ZNF581: variants seen among roughly 807,000 people sequenced by gnomAD.
ZNF581 encodes the protein zinc finger protein 581.
Under a neutral mutation model 1.2 loss-of-function variants are expected in ZNF581, and 1 was observed. The observed-to-expected ratio is 0.83, with a 90% CI of 0.30 to 3.95. The LOEUF is 3.95. Among genes scored for constraint, ZNF581 ranks in the 30% most tolerant of loss-of-function variants. ZNF581 has a pLI of 0.18. For synonymous variants in ZNF581, 105 were observed against 109.2 expected (o/e 0.96, Z 0.24); for missense variants, 273 against 274.6 (o/e 0.99, Z 0.04).
chr19:55,641,894 A>C, upstream of ZNF581: 3 of 227,332 alleles, frequency 1.3e-5, no homozygotes, highest in Non-Finnish European at 2.2e-5. Flanking sequence ...AATGTGGGGA[A>C]TTGGGTTAGT....
At position 55,645,248 on chromosome 19, in the gene ZNF581, G is replaced by A; in HGVS notation, c.*83G>A. 7.7e-7 allele frequency: 1 copy of A among 1,299,574 alleles called. No individual in the cohort carries two copies. The highest frequency in any genetic ancestry group is 1.0e-6 in the Non-Finnish European group (1 of 957,812). The allele number at this position is 1,299,574 out of a possible 1,614,324, so 80.5% of individuals were successfully genotyped here. On this transcript the variant is annotated 3_prime_UTR_variant, in exon 2 of 2. Transcript: ENST00000270451. ...TCCAGACACCTGGTGAGAGCCTGAG[G>A]CTGGTGTTCAGGGCCCTGGACACAG...
At chr19:55,642,847 G>A, upstream of ZNF581, 4 of 1,573,916 alleles carry the variant, frequency 2.5e-6, no homozygotes, top group East Asian at 2.3e-5. Flanking sequence ...ACCGCGTGTC[G>A]CACTCGGACC....
chr19:55,644,537 A>G lies in ZNF581; in HGVS notation c.-19-16A>G. On this transcript the variant is annotated splice_polypyrimidine_tract_variant and intron_variant, in intron 1 of 1. Coordinates refer to ENST00000270451, the MANE Select transcript of ZNF581 (RefSeq NM_016535.4). The surrounding 1 kb of genome is among the most constrained non-coding windows in gnomAD (Gnocchi z 4.3). ...CTCTTCTATATAACCTTCTTATCCC[A>G]TCTCCCATCCACCAGGCCTCAGCCA... The G allele has an allele frequency of 1.3e-6, 2 of 1,489,308 alleles. No homozygotes were observed. The highest frequency in any genetic ancestry group is 9.1e-7 in the Non-Finnish European group (1 of 1,104,582). The allele number at this position is 1,489,308 out of a possible 1,614,324, so 92.3% of individuals were successfully genotyped here.
upstream of ZNF581, chr19:55,642,615 C>G (rs1436368179): frequency 2.7e-6 from 4 of 1,463,346 alleles, no homozygotes; most frequent in Non-Finnish European, 3.6e-6. Context: ...GAAGGCCCCT[C>G]CTCCACTCCT....
At chr19:55,643,415 T>G, upstream of ZNF581, 6 of 215,198 alleles carry the variant, frequency 2.8e-5, no homozygotes, top group East Asian at 1.1e-4. Context: ...TTTCTGTATC[T>G]ACCCCCCTTC....
chr19:55,638,227 G>A (rs1043736443), upstream of ZNF581, among the ~76,000 whole-genome samples: 1 of 151,752 alleles, frequency 6.6e-6, no homozygotes, highest in Non-Finnish European at 1.5e-5. Context: ...GAGGTGACAC[G>A]CTTTTTTGTT....
At chr19:55,640,837 C>A (rs565412943), upstream of ZNF581, 102 of 985,536 alleles carry the variant, frequency 1.0e-4, no homozygotes, top group Middle Eastern at 2.1e-3. Context: ...CGGAATCGTT[C>A]CGTTCGGGAG....
rs1452473823 is a variant in ZNF581, at chr19:55,644,837, G to A, written c.266G>A (p.Cys89Tyr). ...CCAGGCCAGAAAAAGTGCTACAGCT[G>A]CCCCGTGTGCTCAAGGGTCTTCGAG... ...GAPGQKKCYS[C>Y]PVCSRVFEYM... Residue 89 changes from cysteine (C) to tyrosine (Y), a missense_variant, in exon 2 of 2, where the codon TGC becomes TAC. Coordinates refer to ENST00000270451, the MANE Select transcript of ZNF581 (RefSeq NM_016535.4). This position sits in a 1 kb window ranked among gnomAD's most constrained non-coding sequence, Gnocchi z 4.3. 6.2e-7 allele frequency: 1 copy of A among 1,612,860 alleles called. No individual in the cohort carries two copies. The highest frequency in any genetic ancestry group is 8.5e-7 in the Non-Finnish European group (1 of 1,178,908).
At chr19:55,640,135 C>A, upstream of ZNF581, 1 of 985,474 alleles carries the variant, frequency 1.0e-6, no homozygotes, top group Non-Finnish European at 1.2e-6. Context: ...GCTGCACCTG[C>A]AGATGCTGCT....
chr19:55,636,677 C>T (rs1982110966), upstream of ZNF581, among the ~76,000 whole-genome samples: 1 of 151,976 alleles, frequency 6.6e-6, no homozygotes, highest in Admixed American at 6.6e-5. Flanking sequence ...TCAACGAGGC[C>T]ATATCATGGA....
At chr19:55,642,460 T>A (rs1982567185), upstream of ZNF581, 2 of 1,396,600 alleles carry the variant, frequency 1.4e-6, no homozygotes, top group South Asian at 1.8e-5. Flanking sequence ...TAAAAGGAAG[T>A]GGCAATTTTA....
chr19:55,639,873 T>C (rs1456216631), upstream of ZNF581, among the ~76,000 whole-genome samples: 1 of 152,302 alleles, frequency 6.6e-6, no homozygotes, highest in South Asian at 2.1e-4. Context: ...CGCCTTGGCC[T>C]CCGAAAGTGC....
upstream of ZNF581, chr19:55,640,415 C>T (rs1982381050): frequency 1.0e-6 from 1 of 985,380 alleles, no homozygotes; most frequent in Non-Finnish European, 1.2e-6. Flanking sequence ...GCCTGGCCTT[C>T]GCTGCGCTTC....
At chr19:55,642,791 C>T (rs544564010), upstream of ZNF581, 2 of 1,559,612 alleles carry the variant, frequency 1.3e-6, no homozygotes, top group African/African-American at 1.4e-5. Flanking sequence ...CTACAGCTGC[C>T]CGGAGTGCGC....
chr19:55,635,211 T>G (rs986911413), upstream of ZNF581: 1 of 152,226 alleles, frequency 6.6e-6, no homozygotes, highest in Admixed American at 6.6e-5. Context: ...GGGGCTACGG[T>G]GACCAGGGGA....
chr19:55,641,265 A>C, upstream of ZNF581: 3 of 872,258 alleles, frequency 3.4e-6, no homozygotes, highest in Non-Finnish European at 2.8e-6. Context: ...CGCTGGAGCC[A>C]CCCGGGATGG....
chr19:55,644,518 T>C lies in ZNF581; in HGVS notation c.-19-35T>C. The C allele has an allele frequency of 7.3e-7, 1 of 1,376,898 alleles. No individual in the cohort carries two copies. The highest frequency in any genetic ancestry group is 9.8e-7 in the Non-Finnish European group (1 of 1,019,862). The allele number at this position is 1,376,898 out of a possible 1,614,324, so 85.3% of individuals were successfully genotyped here. On this transcript the variant is annotated intron_variant, in intron 1 of 1. Coordinates refer to ENST00000270451, the MANE Select transcript of ZNF581 (RefSeq NM_016535.4). This position sits in a 1 kb window ranked among gnomAD's most constrained non-coding sequence, Gnocchi z 4.3. ...CCTGTGGTGCTGAGCTGCCCTCTTC[T>C]ATATAACCTTCTTATCCCATCTCCC... is the stretch of plus-strand genomic sequence containing the variant.
upstream of ZNF581, chr19:55,640,576 C>G: frequency 1.0e-6 from 1 of 985,494 alleles, no homozygotes; most frequent in Non-Finnish European, 1.2e-6. Flanking sequence ...CTCCGGGCCT[C>G]GGCCTCCCCA....
At chr19:55,640,645 C>T (rs1982398432), upstream of ZNF581, 1 of 985,362 alleles carries the variant, frequency 1.0e-6, no homozygotes, top group Admixed American at 6.1e-5. Flanking sequence ...GTCTCTGGAC[C>T]TCGGTCTCCA....
Sources: gnomAD v4.1 joint callset for allele counts (sites outside exome capture counted in the v4.1 genomes callset) on GRCh38, gnomAD v4.1.1 for gene constraint, Gnocchi (gnomAD v3.1) non-coding constraint, MANE v1.5 for transcripts, NCBI Gene and HGNC (gene_info 2026-07-23, HGNC 2026-07-21) for gene names.